PIEZO2: variants seen among roughly 807,000 people sequenced by gnomAD.
PIEZO2 encodes the protein piezo-type mechanosensitive ion channel component 2.
Under a neutral mutation model 337.3 loss-of-function variants are expected in PIEZO2, and 172 were observed. The observed-to-expected ratio is 0.51, with a 90% CI of 0.45 to 0.58. PIEZO2 has a LOEUF of 0.58. Among genes scored for constraint, PIEZO2 ranks in the 20% least tolerant of loss-of-function variants. The pLI is 0.00. For synonymous variants in PIEZO2, 1,251 were observed against 1,228.5 expected (o/e 1.02, Z -0.38); for missense variants, 3,028 against 3,391.3 (o/e 0.89, Z 2.66).
rs1662664282 is a variant in PIEZO2 at position 10,861,479 on chromosome 18, T to C, written c.493-4268A>G. 1.3e-5 allele frequency among the ~76,000 whole-genome samples: 2 copies of C among 152,224 alleles called. No homozygotes were observed. The highest frequency in any genetic ancestry group is 4.1e-4 in the South Asian group (2 of 4,836). ...ACATGCATAAATCTAAAGAAGAATA[T>C]GCTAATTGAAATAAGCCAGGCACAG... On this transcript the variant is annotated intron_variant, in intron 5 of 55. Coordinates refer to ENST00000674853, the MANE Select transcript of PIEZO2 (RefSeq NM_001378183.1). This position sits in a 1 kb window ranked among gnomAD's most constrained non-coding sequence, Gnocchi z 4.3.
intron 35 of PIEZO2, 145 bp from the exon 36 acceptor site, chr18:10,731,666 A>ATT: frequency 1.1e-5 from 4 of 369,744 alleles, no homozygotes; most frequent in Non-Finnish European, 1.8e-5. Flanking sequence ...CATGAGATTC[A>ATT]ATTTTTTTTT....
intron 24 of PIEZO2, among the ~76,000 whole-genome samples, chr18:10,760,585 G>A (rs1250053591): frequency 7.9e-5 from 12 of 152,178 alleles, no homozygotes; most frequent in Admixed American, 4.6e-4. Flanking sequence ...GATTACAGGC[G>A]TGAGCCACCG....
At chr18:10,733,615 A>AT (rs1256292322) in intron 35 of PIEZO2, among the ~76,000 whole-genome samples, 1 of 151,872 alleles carries the variant, frequency 6.6e-6, no homozygotes, top group African/African-American at 2.4e-5. Flanking sequence ...CGCCCGGCTA[A>AT]TTTTTTGTAT....
In PIEZO2 at chr18:10,783,157, A is replaced by T. The variant is rs549023906; in HGVS notation, c.2492+1627T>A. On this transcript the variant is annotated intron_variant, in intron 17 of 55. Coordinates refer to ENST00000674853, the MANE Select transcript of PIEZO2 (RefSeq NM_001378183.1). The surrounding 1 kb of genome is among the most constrained non-coding windows in gnomAD (Gnocchi z 4.3). ...TGGAAGAAAAAAAAGATTTTTTTTT[A>T]AAAAAGATTTCACTAGCAATGCTTA... Among the ~76,000 whole-genome samples the T allele has an allele frequency of 3.0e-3, 457 of 152,104 alleles. 3 individuals carry two copies. Among genetic ancestry groups the T allele is most frequent in the African/African-American group, 0.01 (432 of 41,520 alleles).
Position 11,109,315 on chromosome 18 carries a change from G to T in PIEZO2, c.64+39210C>A, listed in dbSNP as rs576981288. Among the ~76,000 whole-genome samples, 3 of 152,316 alleles carry T rather than the reference G, an allele frequency of 2.0e-5. No individual in the cohort carries two copies. The highest frequency in any genetic ancestry group is 7.2e-5 in the African/African-American group (3 of 41,578). On this transcript the variant is annotated intron_variant, in intron 1 of 55. Transcript: ENST00000674853. This position sits in a 1 kb window ranked among gnomAD's most constrained non-coding sequence, Gnocchi z 5.1. ...TTAAATCACCTTAGCAAATCTCTGTGCTATGAAAATCACTATTACTGGGCA... is the reference window on the plus strand; with the variant it reads ...TTAAATCACCTTAGCAAATCTCTGTTCTATGAAAATCACTATTACTGGGCA...
At chr18:10,808,166 G>A (rs760697110) in intron 7 of PIEZO2, among the ~76,000 whole-genome samples, 7 of 152,152 alleles carry the variant, frequency 4.6e-5, no homozygotes, top group Non-Finnish European at 8.8e-5. Context: ...ACAGCCCACT[G>A]CAGCCTTGAG....
intron 3 of PIEZO2, among the ~76,000 whole-genome samples, chr18:10,959,729 C>A (rs2033686216): frequency 6.6e-6 from 1 of 152,136 alleles, no homozygotes; most frequent in African/African-American, 2.4e-5. Flanking sequence ...CAGACCTAGA[C>A]AAAATTTATG....
Position 10,846,645 on chromosome 18 carries a change from T to G in PIEZO2, c.917+8708A>C, listed in dbSNP as rs1297046921. On this transcript the variant is annotated intron_variant, in intron 7 of 55. Coordinates refer to ENST00000674853, the MANE Select transcript of PIEZO2 (RefSeq NM_001378183.1). This position sits in a 1 kb window ranked among gnomAD's most constrained non-coding sequence, Gnocchi z 4.1. ...AGACATATGCATGAAGGGATTATTATGGCCCAATGCAGCTGGTGTTATAAA... is the reference window on the plus strand; with the variant it reads ...AGACATATGCATGAAGGGATTATTAGGGCCCAATGCAGCTGGTGTTATAAA... 6.6e-6 allele frequency among the ~76,000 whole-genome samples: 1 copy of G among 152,170 alleles called. No individual in the cohort carries two copies. Among genetic ancestry groups the G allele is most frequent in the Non-Finnish European group, 1.5e-5 (1 of 68,042 alleles).
chr18:10,772,780 C>T (rs927172453), intron 20 of PIEZO2, among the ~76,000 whole-genome samples: 4 of 152,086 alleles, frequency 2.6e-5, no homozygotes, highest in African/African-American at 9.7e-5. Flanking sequence ...TGAGGCTGCT[C>T]AATGTTCATC....
At chr18:11,079,579 A>G (rs1275352539) in intron 1 of PIEZO2, among the ~76,000 whole-genome samples, 1 of 152,184 alleles carries the variant, frequency 6.6e-6, no homozygotes, top group African/African-American at 2.4e-5. Context: ...TTTCCTGTTC[A>G]TTACCGATTA....
intron 2 of PIEZO2, among the ~76,000 whole-genome samples, chr18:11,025,573 A>T (rs980363915): frequency 6.6e-6 from 1 of 151,934 alleles, no homozygotes; most frequent in African/African-American, 2.4e-5. Flanking sequence ...TGGCAAGAGA[A>T]CTCAGGAAAC....
rs1483537721 is a variant in PIEZO2, at chr18:11,003,397, A to T, written c.161-23737T>A. 2.0e-5 allele frequency among the ~76,000 whole-genome samples: 3 copies of T among 152,224 alleles called. No individual in the cohort carries two copies. The highest frequency in any genetic ancestry group is 7.2e-5 in the African/African-American group (3 of 41,458). On this transcript the variant is annotated intron_variant, in intron 2 of 55. Transcript: ENST00000674853. This position sits in a 1 kb window ranked among gnomAD's most constrained non-coding sequence, Gnocchi z 4.6. ...AAACAATTAAACCATAGTCGAGTTG[A>T]TCTAAAGAAGAGTTAAATTCCTAAG...
At position 10,742,155 on chromosome 18, in the gene PIEZO2, A is replaced by AAAAAC. The variant is rs1456597096; in HGVS notation, c.4636+334_4636+338dup. Among the ~76,000 whole-genome samples, 94 of 152,050 alleles carry AAAAAC rather than the reference A, an allele frequency of 6.2e-4. 1 individual carries two copies. Among genetic ancestry groups the AAAAAC allele is most frequent in the African/African-American group, 2.0e-3 (81 of 41,274 alleles). Reference sequence around the variant, plus strand: ...GGGGGACAGAGCGAGACTCCGTCTCAAAAACAAAACAAAACAAAACCAAAA... The same window carrying AAAAAC: ...GGGGGACAGAGCGAGACTCCGTCTCAAAAACAAAACAAAACAAAACAAAACCAAAA... On this transcript the variant is annotated intron_variant, in intron 32 of 55. Coordinates refer to ENST00000674853, the MANE Select transcript of PIEZO2 (RefSeq NM_001378183.1).
chr18:10,979,387 A>T lies in PIEZO2; in HGVS notation c.286+148T>A. 2 of 722,256 alleles carry T rather than the reference A, an allele frequency of 2.8e-6. No homozygotes were observed. Among genetic ancestry groups the T allele is most frequent in the Non-Finnish European group, 4.0e-6 (2 of 501,162 alleles). 44.7% of individuals were successfully genotyped at this position (722,256 alleles called of 1,614,324 possible). On this transcript the variant is annotated intron_variant, in intron 3 of 55. Coordinates refer to ENST00000674853, the MANE Select transcript of PIEZO2 (RefSeq NM_001378183.1). The surrounding 1 kb of genome is among the most constrained non-coding windows in gnomAD (Gnocchi z 4.0). ...GCAAAGCTTCTTTATATATATTTAC[A>T]CTGCATTGCCAAAGACCAAAAATTT...
rs1385804313 is a variant in PIEZO2 at position 10,993,388 on chromosome 18, A to T, written c.161-13728T>A. ...TATTATTTTGAGATGCGTTCTATTGATACCTAGTTTATTGAGAGTTTTTAG... is the reference window on the plus strand; with the variant it reads ...TATTATTTTGAGATGCGTTCTATTGTTACCTAGTTTATTGAGAGTTTTTAG... On this transcript the variant is annotated intron_variant, in intron 2 of 55. Transcript: ENST00000674853. This position sits in a 1 kb window ranked among gnomAD's most constrained non-coding sequence, Gnocchi z 5.0. Among the ~76,000 whole-genome samples, 1 of 152,112 alleles carries T rather than the reference A, an allele frequency of 6.6e-6. No individual in the cohort carries two copies. Among genetic ancestry groups the T allele is most frequent in the Non-Finnish European group, 1.5e-5 (1 of 68,034 alleles).
intron 43 of PIEZO2, among the ~76,000 whole-genome samples, 181 bp from the exon 44 acceptor site, chr18:10,699,358 G>A (rs1598372401): frequency 6.6e-6 from 1 of 152,110 alleles, no homozygotes; most frequent in Non-Finnish European, 1.5e-5. Flanking sequence ...AGACCCGGTG[G>A]GACGTAATTG....
At chr18:10,793,212 T>G (rs1184771455) in intron 13 of PIEZO2, among the ~76,000 whole-genome samples, 1 of 152,136 alleles carries the variant, frequency 6.6e-6, no homozygotes, top group Non-Finnish European at 1.5e-5. Flanking sequence ...TGAGCCGAGA[T>G]TGCGCCACTG....
At chr18:10,823,759 A>G (rs1264976806) in intron 7 of PIEZO2, among the ~76,000 whole-genome samples, 1 of 152,242 alleles carries the variant, frequency 6.6e-6, no homozygotes, top group Non-Finnish European at 1.5e-5. Flanking sequence ...GAATCCCACA[A>G]TAATTTACCA....
At chr18:10,762,102 T>C (rs2038159929) in intron 23 of PIEZO2, among the ~76,000 whole-genome samples, 1 of 152,240 alleles carries the variant, frequency 6.6e-6, no homozygotes, top group African/African-American at 2.4e-5. Flanking sequence ...GCATTTGGTA[T>C]ACTTTACTTA....
Sources: allele counts gnomAD v4.1 joint callset (sites outside exome capture counted in the v4.1 genomes callset), GRCh38; gene constraint gnomAD v4.1.1; non-coding constraint Gnocchi (gnomAD v3.1); transcripts MANE v1.5; gene names NCBI Gene and HGNC (gene_info 2026-07-23, HGNC 2026-07-21).